Variants in LRRC4C observed in about 807,000 individuals in gnomAD.
LRRC4C encodes leucine rich repeat containing 4C.
Under a neutral mutation model 33.6 loss-of-function variants are expected in LRRC4C, and 5 were observed. That is an observed-to-expected ratio of 0.15 (90% CI 0.08 to 0.31). The LOEUF (loss-of-function observed/expected upper bound fraction) is 0.31, where lower values mean the gene tolerates loss of function less well. Ranked by LOEUF, LRRC4C falls within the 10% of genes least tolerant of loss-of-function variation. LRRC4C has a pLI of 1.00. For synonymous variants in LRRC4C, 329 were observed against 302.0 expected (o/e 1.09, Z -0.93); for missense variants, 560 against 796.7 (o/e 0.70, Z 3.58).
intron 4 of LRRC4C, among the ~76,000 whole-genome samples, chr11:40,266,696 G>A (rs1942285174): frequency 6.6e-6 from 1 of 151,968 alleles, no homozygotes; most frequent in Non-Finnish European, 1.5e-5. Context: ...GGGTATCTTA[G>A]GAAATCCTGA....
intron 2 of LRRC4C, among the ~76,000 whole-genome samples, chr11:40,696,540 A>G (rs1945542390): frequency 6.7e-6 from 1 of 148,592 alleles, no homozygotes; most frequent in Admixed American, 6.8e-5. Flanking sequence ...TGGTAGTGGT[A>G]TTTTTCTTTT....
chr11:41,010,666 C>A (rs1403481349), intron 1 of LRRC4C, among the ~76,000 whole-genome samples: 1 of 152,122 alleles, frequency 6.6e-6, no homozygotes, highest in African/African-American at 2.4e-5. Context: ...CTAGGCTAAG[C>A]AAGTGAAATC....
chr11:40,777,131 C>A (rs1426915546), intron 2 of LRRC4C, among the ~76,000 whole-genome samples: 1 of 152,150 alleles, frequency 6.6e-6, no homozygotes, highest in Non-Finnish European at 1.5e-5. Context: ...TTGCGACTTG[C>A]TTTACAGGCA....
intron 1 of LRRC4C, among the ~76,000 whole-genome samples, chr11:41,200,097 T>A (rs1428745124): frequency 6.6e-6 from 1 of 152,060 alleles, no homozygotes; most frequent in Non-Finnish European, 1.5e-5. Flanking sequence ...TTTGTAGTAA[T>A]GTCACTTCTG....
chr11:41,032,245 T>C (rs1039126317), intron 1 of LRRC4C, among the ~76,000 whole-genome samples: 4 of 152,048 alleles, frequency 2.6e-5, no homozygotes, highest in Admixed American at 2.6e-4. Flanking sequence ...TTTGTGCTTA[T>C]TGAGTCAAGA....
intron 3 of LRRC4C, among the ~76,000 whole-genome samples, chr11:40,630,141 A>G (rs545844806): frequency 3.9e-5 from 6 of 152,260 alleles, no homozygotes; most frequent in Non-Finnish European, 8.8e-5. Flanking sequence ...CATTCTTATT[A>G]TGAATGTTCC....
chr11:41,316,640 T>C (rs932697686), intron 1 of LRRC4C, among the ~76,000 whole-genome samples: 1 of 152,192 alleles, frequency 6.6e-6, no homozygotes, highest in Non-Finnish European at 1.5e-5. Flanking sequence ...AGCTATTGTT[T>C]CTTATCCCCT....
At chr11:41,225,395 C>T (rs1417468983) in intron 1 of LRRC4C, among the ~76,000 whole-genome samples, 1 of 152,084 alleles carries the variant, frequency 6.6e-6, no homozygotes, top group Admixed American at 6.6e-5. Flanking sequence ...TGTATCAAAA[C>T]ATCTCATGTA....
rs566965793 is a variant in LRRC4C, at chr11:40,910,777, C to A, written c.-407+22858G>T. Among the ~76,000 whole-genome samples, 224 of 152,216 alleles carry A rather than the reference C, an allele frequency of 1.5e-3. 1 individual carries two copies. The highest frequency in any genetic ancestry group is 1.9e-3 in the Non-Finnish European group (128 of 68,044). On this transcript the variant is annotated intron_variant, in intron 2 of 6. Coordinates refer to ENST00000528697, the MANE Select transcript of LRRC4C (RefSeq NM_001258419.2). ...ACCTCACCCAGGAAGTGCAAGGGGT[C>A]AGGGAATTCCCTTTCCTAGCCAAGG...
intron 3 of LRRC4C, among the ~76,000 whole-genome samples, chr11:40,497,297 C>T (rs935353780): frequency 1.5e-4 from 23 of 151,732 alleles, no homozygotes; most frequent in African/African-American, 4.6e-4. Flanking sequence ...CCAGCTACTT[C>T]GGAGGCTGAG....
chr11:41,095,899 G>A (rs61878576), intron 1 of LRRC4C, among the ~76,000 whole-genome samples: 10,494 of 152,076 alleles, frequency 0.069, 415 homozygotes, highest in Non-Finnish European at 0.096. Context: ...TAATTTTTGC[G>A]CCTAAAACCC....
chr11:40,707,560 C>T (rs1369129920), intron 2 of LRRC4C, among the ~76,000 whole-genome samples: 1 of 152,162 alleles, frequency 6.6e-6, no homozygotes, highest in Non-Finnish European at 1.5e-5. Flanking sequence ...GGGATGAAGC[C>T]AACTTGACCT....
intron 2 of LRRC4C, among the ~76,000 whole-genome samples, chr11:40,921,220 G>A (rs979857684): frequency 6.6e-6 from 1 of 152,146 alleles, no homozygotes; most frequent in Admixed American, 6.5e-5. Flanking sequence ...ACCAAGTCTG[G>A]CTTGAAATGA....
intron 1 of LRRC4C, among the ~76,000 whole-genome samples, chr11:41,250,673 G>A (rs1160066770): frequency 1.3e-5 from 2 of 152,266 alleles, no homozygotes; most frequent in Admixed American, 6.5e-5. Flanking sequence ...TGCTCAGTAC[G>A]TTTGGCTGAG....
intron 2 of LRRC4C, among the ~76,000 whole-genome samples, chr11:40,807,919 C>T (rs1177807135): frequency 6.6e-6 from 1 of 152,152 alleles, no homozygotes; most frequent in Non-Finnish European, 1.5e-5. Flanking sequence ...AATTCCATGC[C>T]TGGGAATAAT....
At chr11:41,011,980 T>G (rs1855234420) in intron 1 of LRRC4C, among the ~76,000 whole-genome samples, 1 of 150,880 alleles carries the variant, frequency 6.6e-6, no homozygotes, top group Non-Finnish European at 1.5e-5. Context: ...ATGTGTATAT[T>G]TTTTCAGGGA....
At chr11:41,265,948 A>C (rs1386346131) in intron 1 of LRRC4C, among the ~76,000 whole-genome samples, 1 of 152,024 alleles carries the variant, frequency 6.6e-6, no homozygotes, top group Admixed American at 6.6e-5. Flanking sequence ...TTGGTGGATG[A>C]GATACAACAC....
intron 2 of LRRC4C, among the ~76,000 whole-genome samples, chr11:40,666,432 T>A (rs1295215579): frequency 6.6e-6 from 1 of 152,120 alleles, no homozygotes; most frequent in African/African-American, 2.4e-5. Context: ...GTCAGTTGTG[T>A]CTACAAAATT....
chr11:40,756,271 C>A (rs1483587301), intron 2 of LRRC4C, among the ~76,000 whole-genome samples: 2 of 152,044 alleles, frequency 1.3e-5, no homozygotes, highest in African/African-American at 4.8e-5. Context: ...GCAGCCCTAT[C>A]AAACTAATAC....
Sources: allele counts gnomAD v4.1 joint callset (sites outside exome capture counted in the v4.1 genomes callset), GRCh38; gene constraint gnomAD v4.1.1; transcripts MANE v1.5; gene names NCBI Gene and HGNC (gene_info 2026-07-23, HGNC 2026-07-21).